Variants in FBXO31 observed in about 807,000 individuals in gnomAD.
The protein encoded by FBXO31 is F-box protein 31, also known as F-box only protein 31.
A neutral mutation model predicts 54.4 loss-of-function variants in FBXO31; 24 were observed. That is an observed-to-expected ratio of 0.44 (90% CI 0.32 to 0.62). FBXO31 has a LOEUF of 0.62. Ranked by LOEUF, FBXO31 falls within the 20% of genes least tolerant of loss-of-function variation. The pLI, the probability that FBXO31 is intolerant of heterozygous loss-of-function variation, is 0.05. For missense variants in FBXO31, 665 were observed against 787.1 expected (o/e 0.84, Z 1.86); for synonymous variants, 388 against 335.6 (o/e 1.16, Z -1.71).
upstream of FBXO31, among the ~76,000 whole-genome samples, chr16:87,385,565 T>C (rs1390746736): frequency 6.6e-6 from 1 of 152,168 alleles, no homozygotes; most frequent in Non-Finnish European, 1.5e-5. Context: ...TAAATTGTAA[T>C]GCTCTAACAA....
upstream of FBXO31, among the ~76,000 whole-genome samples, chr16:87,391,264 G>A (rs1907534827): frequency 6.6e-6 from 1 of 152,174 alleles, no homozygotes; most frequent in Non-Finnish European, 1.5e-5. Flanking sequence ...CTATGATCGT[G>A]CCACTGCATT....
chr16:87,345,587 C>A lies in FBXO31; in HGVS notation c.489+1587G>T, dbSNP rs1254162099. ...AGCAGACATCTGCTCCTGGCCCTGG[C>A]CCCAGAGCTCATATCAAACCTGCCC... On this transcript the variant is annotated intron_variant, in intron 3 of 8. Coordinates refer to ENST00000311635, the MANE Select transcript of FBXO31 (RefSeq NM_024735.5). The surrounding 1 kb of genome is among the most constrained non-coding windows in gnomAD (Gnocchi z 4.9). 1.3e-5 allele frequency among the ~76,000 whole-genome samples: 2 copies of A among 152,154 alleles called. No individual in the cohort carries two copies. Among genetic ancestry groups the A allele is most frequent in the African/African-American group, 4.8e-5 (2 of 41,422 alleles).
At chr16:87,352,301 G>C (rs1597368248) in intron 2 of FBXO31, among the ~76,000 whole-genome samples, 1 of 152,098 alleles carries the variant, frequency 6.6e-6, no homozygotes, top group Non-Finnish European at 1.5e-5. Context: ...CAGTTTTTCA[G>C]TACCAAAAAT....
Position 87,333,944 on chromosome 16 carries a change from C to T in FBXO31, c.1339G>A (p.Val447Met), listed in dbSNP as rs200331468. ...PAQCGQGQPF[V>M]LPVGVSSRNE... is the part of the protein sequence containing the mutation. ...CTGGAGCTCACGCCCACGGGCAGCA[C>T]GAACGGCTGCCCCTGCCCACACTGG... Residue 447 changes from valine to methionine, a missense_variant, in exon 8 of 9, where the codon GTG becomes ATG. By Grantham distance (21) the Val-to-Met change is conservative (BLOSUM62 1). Around this residue, in one of 4 missense-constraint regions of FBXO31, gnomAD observed 165 missense variants for 159.7 expected, o/e 1.03. Transcript: ENST00000311635. 9.1e-5 allele frequency: 147 copies of T among 1,612,278 alleles called. No homozygotes were observed. Among genetic ancestry groups the T allele is most frequent in the East Asian group, 5.3e-4 (24 of 44,864 alleles).
At chr16:87,349,297 T>C (rs1049816585) in intron 2 of FBXO31, among the ~76,000 whole-genome samples, 6 of 152,064 alleles carry the variant, frequency 3.9e-5, no homozygotes, top group Non-Finnish European at 8.8e-5. Context: ...AAGAACAGAA[T>C]GAGATATGAA....
At chr16:87,361,396 C>G (rs530550140) in intron 1 of FBXO31, among the ~76,000 whole-genome samples, 1 of 152,246 alleles carries the variant, frequency 6.6e-6, no homozygotes, top group Non-Finnish European at 1.5e-5. Flanking sequence ...GGGCACAACA[C>G]AGGAGACGGG....
At chr16:87,379,502 C>T (rs921256316) in intron 1 of FBXO31, among the ~76,000 whole-genome samples, 1 of 152,186 alleles carries the variant, frequency 6.6e-6, no homozygotes, top group African/African-American at 2.4e-5. Context: ...ATGTTAATTA[C>T]CTGCAGGTTG....
rs1271204372 is a variant in FBXO31, at chr16:87,331,195, G to A, written c.*93C>T. The A allele has an allele frequency of 1.5e-6, 2 of 1,322,870 alleles. No homozygotes were observed. Among genetic ancestry groups the A allele is most frequent in the East Asian group, 2.4e-5 (1 of 41,446 alleles). 81.9% of individuals were successfully genotyped at this position (1,322,870 alleles called of 1,614,324 possible). On this transcript the variant is annotated 3_prime_UTR_variant, in exon 9 of 9. Coordinates refer to ENST00000311635, the MANE Select transcript of FBXO31 (RefSeq NM_024735.5). ...GACGAGGTGTGCGTTCTGGTCAAAAGGCCGGATTTCCAAAGTGCATGCTGC... is the reference window on the plus strand; with the variant it reads ...GACGAGGTGTGCGTTCTGGTCAAAAAGCCGGATTTCCAAAGTGCATGCTGC...
At chr16:87,340,664 A>G (rs1194599714) in intron 5 of FBXO31, among the ~76,000 whole-genome samples, 1 of 152,088 alleles carries the variant, frequency 6.6e-6, no homozygotes, top group Admixed American at 6.5e-5. Context: ...CTTATGTAAA[A>G]ATTAAAAATA....
chr16:87,349,025 C>T (rs538537329), intron 2 of FBXO31, among the ~76,000 whole-genome samples: 11 of 152,310 alleles, frequency 7.2e-5, no homozygotes, highest in South Asian at 2.1e-4. Flanking sequence ...AAGACAGAGA[C>T]AGGAAACATT....
intron 1 of FBXO31, among the ~76,000 whole-genome samples, chr16:87,366,295 CAG>C (rs968404856): frequency 1.3e-5 from 2 of 152,186 alleles, no homozygotes; most frequent in African/African-American, 4.8e-5. Context: ...CTGGGGAAAT[CAG>C]AGCATATGGG....
intron 1 of FBXO31, among the ~76,000 whole-genome samples, chr16:87,368,336 G>T (rs1906454042): frequency 6.6e-6 from 1 of 152,168 alleles, no homozygotes; most frequent in African/African-American, 2.4e-5. Context: ...AAAAATAGGG[G>T]TTAAGAACAA....
upstream of FBXO31, among the ~76,000 whole-genome samples, chr16:87,390,289 A>T (rs1241687036): frequency 6.6e-6 from 1 of 152,156 alleles, no homozygotes; most frequent in Non-Finnish European, 1.5e-5. Context: ...TCAAAAAACA[A>T]ATAAATAAAA....
In FBXO31 at chr16:87,335,478, A is replaced by G. The variant is rs1222293907; in HGVS notation, c.843-21T>C. 1 of 1,473,902 alleles carries G rather than the reference A, an allele frequency of 6.8e-7. No homozygotes were observed. The highest frequency in any genetic ancestry group is 1.8e-5 in the Admixed American group (1 of 55,384). 91.3% of individuals were successfully genotyped at this position (1,473,902 alleles called of 1,614,324 possible). On this transcript the variant is annotated intron_variant, in intron 6 of 8. Transcript: ENST00000311635. This position sits in a 1 kb window ranked among gnomAD's most constrained non-coding sequence, Gnocchi z 5.7. ...AGTTGCTGTGGGGAGCGGACGGGTC[A>G]GTACAGGAGACCTCGTGGGGCAGGC... is the stretch of plus-strand genomic sequence containing the variant.
intron 3 of FBXO31, among the ~76,000 whole-genome samples, chr16:87,344,149 C>A (rs528276699): frequency 6.6e-6 from 1 of 152,392 alleles, no homozygotes; most frequent in South Asian, 2.1e-4. Context: ...GCCTGGGCAA[C>A]AGGCAACACA....
At chr16:87,357,267 T>A (rs1905933989) in intron 2 of FBXO31, among the ~76,000 whole-genome samples, 1 of 151,338 alleles carries the variant, frequency 6.6e-6, no homozygotes, top group Non-Finnish European at 1.5e-5. Context: ...GGAGACAGCA[T>A]TAAATTCCTA....
At chr16:87,387,642 C>A (rs2150704358), upstream of FBXO31, among the ~76,000 whole-genome samples, 1 of 152,264 alleles carries the variant, frequency 6.6e-6, no homozygotes, top group East Asian at 1.9e-4. Flanking sequence ...CCCGTCTCTA[C>A]TAAAAGTACA....
chr16:87,384,644 C>T (rs1019721285), upstream of FBXO31, among the ~76,000 whole-genome samples: 3 of 152,230 alleles, frequency 2.0e-5, no homozygotes, highest in African/African-American at 7.2e-5. Flanking sequence ...GGGCTCGCCT[C>T]GGACCCCATC....
chr16:87,366,185 G>A (rs1340970070), intron 1 of FBXO31, among the ~76,000 whole-genome samples: 1 of 152,210 alleles, frequency 6.6e-6, no homozygotes, highest in Non-Finnish European at 1.5e-5. Flanking sequence ...AGTGAAAACT[G>A]CGGAAATCTG....
Sources: gnomAD v4.1 joint callset for allele counts (sites outside exome capture counted in the v4.1 genomes callset) on GRCh38, gnomAD v4.1.1 for gene constraint, gnomAD v4.1.1 regional missense constraint, Gnocchi (gnomAD v3.1) non-coding constraint, MANE v1.5 for transcripts, NCBI Gene and HGNC (gene_info 2026-07-23, HGNC 2026-07-21) for gene names.